The following PDE4D variants were observed in gnomAD, a reference collection of about 807,000 sequenced individuals.
PDE4D encodes 3',5'-cyclic-AMP phosphodiesterase 4D.
PDE4D carries 24 observed loss-of-function variants against 87.4 expected under a neutral mutation model. The observed-to-expected ratio is 0.27, with a 90% CI of 0.20 to 0.39. The LOEUF is 0.39. Among genes scored for constraint, PDE4D ranks in the 10% least tolerant of loss-of-function variants. The pLI, the probability that PDE4D is intolerant of heterozygous loss-of-function variation, is 1.00. For missense variants in PDE4D, 714 were observed against 1,041.0 expected, an observed-to-expected ratio of 0.69 and a Z score of 4.32; for synonymous variants, 384 against 383.2, an observed-to-expected ratio of 1.00 and a Z score of -0.02.
chr5:59,532,557 T>G (rs1324372159), intron 1 of PDE4D, among the ~76,000 whole-genome samples: 4 of 152,234 alleles, frequency 2.6e-5, no homozygotes, highest in Non-Finnish European at 5.9e-5. Context: ...TCAGTCAATG[T>G]GATCTGCACT....
upstream of PDE4D, among the ~76,000 whole-genome samples, chr5:59,895,026 AG>A (rs1307414961): frequency 5.3e-5 from 8 of 152,218 alleles, no homozygotes; most frequent in African/African-American, 1.7e-4. Context: ...TAATATATTT[AG>A]GACTCACAAC....
chr5:59,054,699 T>TTTCATGA lies in PDE4D; in HGVS notation c.809-15729_809-15728insTCATGAA, dbSNP rs1358278605. Among the ~76,000 whole-genome samples, 4 of 152,010 alleles carry TTTCATGA rather than the reference T, an allele frequency of 2.6e-5. No homozygotes were observed. The East Asian group carries it at 7.7e-4, about 29-fold the overall frequency. ...CGAGCCAATACAGAGAATTGAAACA[T>TTTCATGA]AATTTAACATGAAATAACATTTATC... is the stretch of plus-strand genomic sequence containing the variant. On this transcript the variant is annotated intron_variant, in intron 5 of 14. Transcript: ENST00000340635.
chr5:59,972,710 G>T (rs1760917117), intron 3 of PDE4D, among the ~76,000 whole-genome samples: 1 of 152,142 alleles, frequency 6.6e-6, no homozygotes, highest in African/African-American at 2.4e-5. Context: ...CACTTATCAA[G>T]GTTCACTTTG....
intron 5 of PDE4D, among the ~76,000 whole-genome samples, chr5:59,171,845 A>C (rs936691943): frequency 2.2e-5 from 3 of 136,010 alleles, no homozygotes; most frequent in Non-Finnish European, 4.6e-5. Flanking sequence ...TTATATATTT[A>C]TTTTATAATA....
At chr5:58,983,570 G>GTAGT (rs1381050798) in intron 11 of PDE4D, among the ~76,000 whole-genome samples, 1 of 152,202 alleles carries the variant, frequency 6.6e-6, no homozygotes, top group African/African-American at 2.4e-5. Context: ...CAAAAGGAGA[G>GTAGT]TAGTTAGTTA....
intron 1 of PDE4D, among the ~76,000 whole-genome samples, chr5:60,261,248 G>C (rs1749618564): frequency 6.6e-6 from 1 of 152,102 alleles, no homozygotes; most frequent in Non-Finnish European, 1.5e-5. Context: ...ATGTTTGGAT[G>C]GTAATCACTG....
Position 58,992,028 on chromosome 5 carries a change from T to C in PDE4D, c.1016-24A>G, listed in dbSNP as rs1160550732. 7 of 1,381,580 alleles carry C rather than the reference T, an allele frequency of 5.1e-6. No individual in the cohort carries two copies. The East Asian group carries it at 7.5e-5, about 15-fold the overall frequency. The allele number at this position is 1,381,580 out of a possible 1,614,324, so 85.6% of individuals were successfully genotyped here. A position where few individuals can be genotyped will look rare whatever the true frequency, so the allele number is the denominator to read the frequency against. ...ATCTTGAGAAATTTAGAAAATGTTC[T>C]ATATTTATTATTAATTCTATCTGTT... On this transcript the variant is annotated intron_variant, in intron 7 of 14. Transcript: ENST00000340635.
chr5:60,042,916 C>T (rs1768693568), intron 2 of PDE4D, among the ~76,000 whole-genome samples: 1 of 151,986 alleles, frequency 6.6e-6, no homozygotes. Context: ...TCCTCACCAG[C>T]AAGGGAACAA....
At chr5:59,836,638 C>CTATCTATCTATCTATCTATCTATCTATA (rs1391543432) in intron 1 of PDE4D, among the ~76,000 whole-genome samples, 4 of 150,474 alleles carry the variant, frequency 2.7e-5, no homozygotes, top group African/African-American at 7.5e-5. Context: ...ATCTATCTAT[C>CTATCTATCTATCTATCTATCTATCTATA]TATCTATCTA....
intron 1 of PDE4D, among the ~76,000 whole-genome samples, chr5:59,423,901 G>A (rs935794221): frequency 4.0e-5 from 6 of 151,848 alleles, no homozygotes; most frequent in Non-Finnish European, 8.8e-5. Flanking sequence ...TGGATCTGTG[G>A]ATGACAGTCA....
chr5:59,537,242 T>C (rs1474279144), intron 1 of PDE4D, among the ~76,000 whole-genome samples: 4 of 152,242 alleles, frequency 2.6e-5, no homozygotes, highest in Non-Finnish European at 5.9e-5. Flanking sequence ...AACTCTTAAC[T>C]GTCTGCCTGT....
chr5:58,975,632 G>C lies in PDE4D; in HGVS notation c.2013+25C>G, dbSNP rs1420356788. 9.4e-6 allele frequency: 14 copies of C among 1,496,940 alleles called. No individual in the cohort carries two copies. In the Middle Eastern group the frequency reaches 7.1e-4, roughly 76 times the overall value. 92.7% of individuals were successfully genotyped at this position (1,496,940 alleles called of 1,614,324 possible). A position where few individuals can be genotyped will look rare whatever the true frequency, so the allele number is the denominator to read the frequency against. ...CTAAAGCGGTAGCTCTGTTCTCTCTGAAAGCTATACACTTCATGCATTACC... is the reference window on the plus strand; with the variant it reads ...CTAAAGCGGTAGCTCTGTTCTCTCTCAAAGCTATACACTTCATGCATTACC... On this transcript the variant is annotated intron_variant, in intron 14 of 14. Coordinates refer to ENST00000340635, the MANE Select transcript of PDE4D (RefSeq NM_001104631.2). The surrounding 1 kb of genome is among the most constrained non-coding windows in gnomAD (Gnocchi z 4.2).
At chr5:59,798,819 G>C (rs555875256) in intron 1 of PDE4D, among the ~76,000 whole-genome samples, 1 of 152,172 alleles carries the variant, frequency 6.6e-6, no homozygotes, top group Non-Finnish European at 1.5e-5. Context: ...GGAAAACTAA[G>C]GAAGGGGCTC....
chr5:59,303,538 C>T (rs1450323197), intron 1 of PDE4D, among the ~76,000 whole-genome samples: 2 of 152,066 alleles, frequency 1.3e-5, no homozygotes, highest in East Asian at 1.9e-4. Context: ...AGGTTTAAGC[C>T]CTTAATCCAT....
At chr5:60,514,035 A>G (rs939681586) in intron 1 of PDE4D, among the ~76,000 whole-genome samples, 10 of 151,830 alleles carry the variant, frequency 6.6e-5, no homozygotes, top group Non-Finnish European at 1.5e-4. Flanking sequence ...AAGAATATCA[A>G]TAAAAAGCCA....
At chr5:59,913,813 T>C (rs987580730) in intron 3 of PDE4D, among the ~76,000 whole-genome samples, 6 of 152,122 alleles carry the variant, frequency 3.9e-5, no homozygotes, top group Non-Finnish European at 8.8e-5. Context: ...GAAATATCAA[T>C]GCTAGAATCA....
intron 3 of PDE4D, among the ~76,000 whole-genome samples, chr5:59,947,821 A>G (rs1757879699): frequency 6.6e-6 from 1 of 152,146 alleles, no homozygotes; most frequent in Non-Finnish European, 1.5e-5. Context: ...AGCCTGACCA[A>G]CATAGTGACA....
chr5:60,095,533 G>A (rs1282359545), intron 2 of PDE4D, among the ~76,000 whole-genome samples: 3 of 152,090 alleles, frequency 2.0e-5, no homozygotes, highest in Non-Finnish European at 4.4e-5. Flanking sequence ...GTCTTTATAG[G>A]AGAATTGTTT....
intron 2 of PDE4D, among the ~76,000 whole-genome samples, chr5:60,094,126 G>C (rs1468245296): frequency 6.6e-6 from 1 of 152,076 alleles, no homozygotes; most frequent in African/African-American, 2.4e-5. Flanking sequence ...TTGAATATCA[G>C]CTCTGCCACA....
Sources: allele counts gnomAD v4.1 joint callset (sites outside exome capture counted in the v4.1 genomes callset), GRCh38; gene constraint gnomAD v4.1.1; non-coding constraint Gnocchi (gnomAD v3.1); transcripts MANE v1.5; gene names NCBI Gene and HGNC (gene_info 2026-07-23, HGNC 2026-07-21).